SIGLEC6: variants seen among roughly 807,000 people sequenced by gnomAD.
SIGLEC6 encodes the protein sialic acid binding Ig like lectin 6, also known as sialic acid-binding Ig-like lectin 6.
SIGLEC6 carries 31 observed loss-of-function variants against 41.4 expected under a neutral mutation model. The observed-to-expected ratio is 0.75, with a 90% confidence interval of 0.56 to 1.01. The LOEUF (loss-of-function observed/expected upper bound fraction) is 1.01, where lower values mean the gene tolerates loss of function less well. Among genes scored for constraint, SIGLEC6 ranks in the 50% least tolerant of loss-of-function variants. SIGLEC6 has a pLI of 0.00. For synonymous variants in SIGLEC6, 217 were observed against 231.0 expected (o/e 0.94, Z 0.55); for missense variants, 555 against 558.6 (o/e 0.99, Z 0.06).
chr19:51,530,586 C>T, intron 3 of SIGLEC6, 95 bp downstream of exon 3: 1 of 1,606,018 alleles, frequency 6.2e-7, no homozygotes, highest in Middle Eastern at 1.7e-4. Flanking sequence ...GGGCTCTCCT[C>T]TTTGGCAACC....
At chr19:51,529,387 G>A in intron 5 of SIGLEC6, 1 of 363,130 alleles carries the variant, frequency 2.8e-6, no homozygotes. Flanking sequence ...GGACAGAGCT[G>A]CTCTGGGATG....
chr19:51,523,475 A>C (rs1978642737), intron 7 of SIGLEC6, among the ~76,000 whole-genome samples: 1 of 152,208 alleles, frequency 6.6e-6, no homozygotes, highest in African/African-American at 2.4e-5. Flanking sequence ...TGCAAATACC[A>C]AGAAAGATAA....
intron 5 of SIGLEC6, 83 bp downstream of exon 5, chr19:51,529,641 G>A (rs1257192697): frequency 6.4e-7 from 1 of 1,567,172 alleles, no homozygotes; most frequent in Non-Finnish European, 8.7e-7. Context: ...GGGAGGACAG[G>A]ACTTAGCAGG....
intron 5 of SIGLEC6, chr19:51,528,477 C>T (rs544273920): frequency 8.7e-6 from 5 of 573,226 alleles, no homozygotes; most frequent in African/African-American, 7.5e-5. Context: ...CTTGTCTGGG[C>T]CTTGGAAACA....
chr19:51,527,788 T>C lies in SIGLEC6; in HGVS notation c.1147A>G (p.Asn383Asp). The change falls in exon 7 of 8, where the codon AAC becomes GAC. Residue 383 changes from asparagine (N) to aspartate (D), a missense_variant. Asn to Asp is a conservative substitution (Grantham distance 23). Coordinates refer to ENST00000425629, the MANE Select transcript of SIGLEC6 (RefSeq NM_001245.7). ...RRKKAAQPVQNTDDVNPVMVS... is the reference protein window; with the variant it reads ...RRKKAAQPVQDTDDVNPVMVS... ...ATGACGGGGTTCACATCATCCGTGT[T>C]TTGCACTGGCTGGGCTGCTTTCTTC... 6.2e-7 allele frequency: 1 copy of C among 1,614,104 alleles called. No individual in the cohort carries two copies. Among genetic ancestry groups the C allele is most frequent in the Non-Finnish European group, 8.5e-7 (1 of 1,180,020 alleles).
In SIGLEC6 at chr19:51,529,977, G is replaced by T. The variant is rs1162506793; in HGVS notation, c.759C>A (p.Phe253Leu). ...ISIFQGNSAA[F>L]KILQNTSSLP... is the part of the protein sequence containing the mutation. Reference sequence around the variant, plus strand: ...GGGACGAGGTGTTTTGCAGGATTTTGAAGGCTTTGGGGAGAGAGGTGTAGA... The same window carrying T: ...GGGACGAGGTGTTTTGCAGGATTTTTAAGGCTTTGGGGAGAGAGGTGTAGA... The change falls in exon 5 of 8, where the codon TTC becomes TTA. Residue 253 changes from phenylalanine (F) to leucine (L), a missense_variant. Phe to Leu is a conservative substitution (Grantham distance 22, BLOSUM62 0). Transcript: ENST00000425629. 18 of 1,589,208 alleles carry T rather than the reference G, an allele frequency of 1.1e-5. No homozygotes were observed. The highest frequency in any genetic ancestry group is 1.5e-5 in the Non-Finnish European group (17 of 1,166,832).
rs201279112 is a variant in SIGLEC6, at chr19:51,529,682, G to C, written c.1012+42C>G. 2.9e-5 allele frequency: 46 copies of C among 1,611,176 alleles called. No individual in the cohort carries two copies. In the African/African-American group the frequency reaches 5.2e-4, roughly 18 times the overall value. On this transcript the variant is annotated intron_variant, in intron 5 of 7. Coordinates refer to ENST00000425629, the MANE Select transcript of SIGLEC6 (RefSeq NM_001245.7). Reference sequence around the variant, plus strand: ...CTTCTCTGAATACTATGGAGCTCTCGCCCAGCTGCCCACACTCTCGCGCAC... The same window carrying C: ...CTTCTCTGAATACTATGGAGCTCTCCCCCAGCTGCCCACACTCTCGCGCAC...
chr19:51,528,321 C>T (rs1979584968), intron 5 of SIGLEC6, 68 bp from the exon 6 acceptor site: 1 of 1,332,054 alleles, frequency 7.5e-7, no homozygotes, highest in Non-Finnish European at 1.1e-6. Context: ...CCATTCCTCT[C>T]CACCTTCCAC....
Position 51,518,938 on chromosome 19 carries a change from G to A in SIGLEC6, c.*1144C>T, listed in dbSNP as rs565864220. 4.6e-5 allele frequency among the ~76,000 whole-genome samples: 7 copies of A among 152,270 alleles called. No homozygotes were observed. The highest frequency in any genetic ancestry group is 1.7e-4 in the African/African-American group (7 of 41,564). ...GGGGGTGACACAGACACCTGGTGCT[G>A]TGGCCTCTGGGCCTACTCCTTTTCA... On this transcript the variant is annotated 3_prime_UTR_variant, in exon 8 of 8. Coordinates refer to ENST00000425629, the MANE Select transcript of SIGLEC6 (RefSeq NM_001245.7).
intron 7 of SIGLEC6, among the ~76,000 whole-genome samples, chr19:51,523,473 C>T (rs541710020): frequency 6.6e-6 from 1 of 152,062 alleles, no homozygotes; most frequent in Non-Finnish European, 1.5e-5. Context: ...TCTGCAAATA[C>T]CAAGAAAGAT....
intron 7 of SIGLEC6, among the ~76,000 whole-genome samples, chr19:51,525,066 C>G (rs1051096660): frequency 6.6e-6 from 1 of 152,224 alleles, no homozygotes; most frequent in African/African-American, 2.4e-5. Context: ...CTATGAGCAG[C>G]TGGGCACCAG....
Position 51,527,042 on chromosome 19 carries a change from A to T in SIGLEC6, c.1188+705T>A, listed in dbSNP as rs183332256. 4.7e-3 allele frequency among the ~76,000 whole-genome samples: 716 copies of T among 152,358 alleles called. 1 individual carries two copies. The highest frequency in any genetic ancestry group is 7.3e-3 in the Non-Finnish European group (495 of 68,042). On this transcript the variant is annotated intron_variant, in intron 7 of 7. Transcript: ENST00000425629. ...CAAAACCTCCAAAAACTGTGGGATT[A>T]TGTAAAGAGACCAAATCTACAACTC...
In SIGLEC6 at chr19:51,519,898, C is replaced by G. The variant is rs1216933409; in HGVS notation, c.*184G>C. On this transcript the variant is annotated 3_prime_UTR_variant, in exon 8 of 8. Transcript: ENST00000425629. ...GCCATCTACAAGCCAACAAGAGAGG[C>G]CTTAGAAGGGACCAACCCTGATAAC... 3.7e-5 allele frequency: 15 copies of G among 407,352 alleles called. No individual in the cohort carries two copies. The highest frequency in any genetic ancestry group is 5.2e-5 in the Non-Finnish European group (12 of 230,314). The allele number at this position is 407,352 out of a possible 1,614,324, so 25.2% of individuals were successfully genotyped here. A position where few individuals can be genotyped will look rare whatever the true frequency, so the allele number is the denominator to read the frequency against.
Position 51,529,802 on chromosome 19 carries a change from C to T in SIGLEC6, c.934G>A (p.Ala312Thr). The change falls in exon 5 of 8, where the codon GCA (alanine) becomes ACA (threonine). Residue 312 changes from alanine to threonine, a missense_variant. By Grantham distance (58) the Ala-to-Thr change is moderately conservative (BLOSUM62 0). Coordinates refer to ENST00000425629, the MANE Select transcript of SIGLEC6 (RefSeq NM_001245.7). The stretch of plus-strand genomic sequence containing the variant: ...CGGCAGGTGAAATCTCCTTCTTCTG[C>T]AGACCCTACTTGAGGCAGCTCCAGG... ...GVLELPQVGS[A>T]EEGDFTCRAQ... 4 of 1,614,200 alleles carry T rather than the reference C, an allele frequency of 2.5e-6. No homozygotes were observed. Among genetic ancestry groups the T allele is most frequent in the Non-Finnish European group, 3.4e-6 (4 of 1,180,042 alleles).
At chr19:51,522,239 C>A (rs138370207) in intron 7 of SIGLEC6, among the ~76,000 whole-genome samples, 11 of 152,338 alleles carry the variant, frequency 7.2e-5, no homozygotes, top group East Asian at 1.9e-4. Context: ...TTGTAAAAAT[C>A]TTTGAATGGT....
Position 51,520,124 on chromosome 19 carries a change from CT to C in SIGLEC6, c.1319del (p.Lys440ArgfsTer97). 6.3e-7 allele frequency: 1 copy of C among 1,595,762 alleles called. No individual in the cohort carries two copies. The highest frequency in any genetic ancestry group is 8.6e-7 in the Non-Finnish European group (1 of 1,166,026). Reference protein sequence around the residue: ...HFHKVQPQEPKVTDTEYSEIK... With the variant: ...HFHKVQPQEPXVTDTEYSEIK... ...TTTCTGAGTACTCAGTGTCGGTGAC[CT>C]TTGGTTCCTGAGGTTGCACCTTGTG... On this transcript the variant is annotated frameshift_variant, in exon 8 of 8. Transcript: ENST00000425629. LOFTEE classifies it low-confidence loss of function (END_TRUNC).
chr19:51,531,541 C>T, intron 1 of SIGLEC6, 22 bp from the exon 2 acceptor site: 1 of 1,613,972 alleles, frequency 6.2e-7, no homozygotes. Flanking sequence ...TGAGGGTCAG[C>T]TCGGCCCAGC....
chr19:51,528,541 C>G, intron 5 of SIGLEC6: 1 of 465,684 alleles, frequency 2.1e-6, no homozygotes, highest in Non-Finnish European at 3.9e-6. Flanking sequence ...TATGTCTCCC[C>G]ACAATTCCTA....
chr19:51,521,890 A>G (rs566457408), intron 7 of SIGLEC6, among the ~76,000 whole-genome samples: 21 of 152,354 alleles, frequency 1.4e-4, no homozygotes, highest in South Asian at 2.1e-4. Flanking sequence ...AAGGAAACCA[A>G]TGAGGTGAGT....
Sources: gnomAD v4.1 joint callset for allele counts (sites outside exome capture counted in the v4.1 genomes callset) on GRCh38, gnomAD v4.1.1 for gene constraint, MANE v1.5 for transcripts, NCBI Gene and HGNC (gene_info 2026-07-23, HGNC 2026-07-21) for gene names.